Variants in HEG1 observed in about 807,000 individuals in gnomAD.
The protein encoded by HEG1 is heart development protein with EGF like domains 1.
HEG1 carries 56 observed loss-of-function variants against 125.6 expected under a neutral mutation model. That is an observed-to-expected ratio of 0.45 (90% CI 0.36 to 0.56). The LOEUF is 0.56. Ranked by LOEUF, HEG1 falls within the 20% of genes least tolerant of loss-of-function variation. The pLI, the probability that HEG1 is intolerant of heterozygous loss-of-function variation, is 0.00. For synonymous variants in HEG1, 644 were observed against 668.5 expected (o/e 0.96, Z 0.57); for missense variants, 1,523 against 1,670.0 (o/e 0.91, Z 1.53).
chr3:125,048,354 G>A (rs532537421), intron 1 of HEG1, among the ~76,000 whole-genome samples: 3 of 152,150 alleles, frequency 2.0e-5, no homozygotes, highest in Admixed American at 6.5e-5. Flanking sequence ...GAGGAAAATC[G>A]ACCTCCTTAC....
intron 14 of HEG1, among the ~76,000 whole-genome samples, chr3:124,987,719 A>C (rs1020112306): frequency 1.7e-4 from 25 of 149,848 alleles, no homozygotes; most frequent in African/African-American, 5.9e-4. Flanking sequence ...ACAGGGTTTC[A>C]CCGTGTTAGC....
At chr3:125,030,213 G>A (rs1937478567) in intron 1 of HEG1, among the ~76,000 whole-genome samples, 1 of 152,144 alleles carries the variant, frequency 6.6e-6, no homozygotes, top group African/African-American at 2.4e-5. Context: ...AAAGCTGGCA[G>A]CCCTTGACCC....
At chr3:124,974,480 C>T (rs1306846364) in intron 15 of HEG1, among the ~76,000 whole-genome samples, 1 of 152,144 alleles carries the variant, frequency 6.6e-6, no homozygotes, top group Non-Finnish European at 1.5e-5. Flanking sequence ...AGGCCTCCAA[C>T]TCTCCGGGCA....
At chr3:125,027,733 G>A (rs902217415) in intron 2 of HEG1, among the ~76,000 whole-genome samples, 2 of 152,122 alleles carry the variant, frequency 1.3e-5, no homozygotes, top group Non-Finnish European at 2.9e-5. Context: ...TCTCAGAAAA[G>A]GAGCTCACTG....
intron 8 of HEG1, among the ~76,000 whole-genome samples, chr3:125,007,938 C>T (rs1272945730): frequency 4.0e-5 from 6 of 149,580 alleles, no homozygotes; most frequent in Non-Finnish European, 5.9e-5. Context: ...GAGACAGAGT[C>T]TCACTGTGCA....
chr3:124,988,157 A>T (rs1936774700), intron 14 of HEG1, among the ~76,000 whole-genome samples: 1 of 151,816 alleles, frequency 6.6e-6, no homozygotes, highest in Non-Finnish European at 1.5e-5. Context: ...TTCTGGTTTC[A>T]AGTGAGAAAT....
rs1389010665 is a variant in HEG1 at position 125,013,261 on chromosome 3, C to T, written c.2318G>A (p.Ser773Asn). ...MTSFMTMLHS[S>N]QTADLKSQST... is the part of the protein sequence containing the mutation. ...CTGGCTCTTAAGGTCTGCAGTTTGACTACTATGGAGCATTGTCATGAATGA... is the reference window on the plus strand; with the variant it reads ...CTGGCTCTTAAGGTCTGCAGTTTGATTACTATGGAGCATTGTCATGAATGA... The change falls in exon 6 of 17, where the codon AGT (serine) becomes AAT (asparagine). Residue 773 changes from serine to asparagine, a missense_variant. By Grantham distance (46) the Ser-to-Asn change is conservative. Coordinates refer to ENST00000311127, the MANE Select transcript of HEG1 (RefSeq NM_020733.2). 6.2e-7 allele frequency: 1 copy of T among 1,613,962 alleles called. No homozygotes were observed. Among genetic ancestry groups the T allele is most frequent in the Middle Eastern group, 1.6e-4 (1 of 6,062 alleles).
chr3:125,054,233 C>T (rs1007078915), intron 1 of HEG1, among the ~76,000 whole-genome samples: 9 of 152,236 alleles, frequency 5.9e-5, no homozygotes, highest in Non-Finnish European at 1.3e-4. Context: ...AATCTAAAGT[C>T]ACAGTCACTC....
Position 125,018,142 on chromosome 3 carries a change from A to T in HEG1, c.1588+1120T>A, listed in dbSNP as rs78351843. Among the ~76,000 whole-genome samples the T allele has an allele frequency of 2.7e-3, 406 of 152,328 alleles. 3 individuals are homozygous for T. Among genetic ancestry groups the T allele is most frequent in the African/African-American group, 9.2e-3 (382 of 41,578 alleles). On this transcript the variant is annotated intron_variant, in intron 5 of 16. Transcript: ENST00000311127. ...GTGGGAACAACCCAAACATCCATCA[A>T]TTGATGACAATTGATAAACAAAGTG...
In HEG1 at chr3:124,969,600, G is replaced by C. The variant is rs1432547448; in HGVS notation, c.*1052C>G. 1.3e-5 allele frequency: 2 copies of C among 152,202 alleles called. No individual in the cohort carries two copies. Among genetic ancestry groups the C allele is most frequent in the African/African-American group, 4.8e-5 (2 of 41,438 alleles). 9.4% of individuals were successfully genotyped at this position (152,202 alleles called of 1,614,324 possible). ...ATGTGTGGCTCCATCTCGGCTCCCT[G>C]TTCTTCCTCAGGAATCCACACAGCT... is the stretch of plus-strand genomic sequence containing the variant. On this transcript the variant is annotated 3_prime_UTR_variant, in exon 17 of 17. Transcript: ENST00000311127.
chr3:124,997,885 TCTC>T, intron 11 of HEG1, 62 bp from the exon 12 acceptor site: 1 of 1,471,856 alleles, frequency 6.8e-7, no homozygotes, highest in Non-Finnish European at 9.1e-7. Flanking sequence ...AACCTTAAAA[TCTC>T]CTCCACTTCA....
At chr3:125,039,854 A>AAC (rs1560034452) in intron 1 of HEG1, among the ~76,000 whole-genome samples, 4 of 149,832 alleles carry the variant, frequency 2.7e-5, no homozygotes, top group Admixed American at 6.6e-5. Context: ...AAAAAACAAC[A>AAC]AAAAAAAACA....
intron 1 of HEG1, among the ~76,000 whole-genome samples, chr3:125,048,801 G>T (rs141041504): frequency 6.8e-4 from 104 of 152,328 alleles, no homozygotes; most frequent in African/African-American, 2.3e-3. Flanking sequence ...ACAGAAAAGA[G>T]CAGTGGGGAG....
At chr3:125,011,160 C>T (rs560191006) in intron 6 of HEG1, among the ~76,000 whole-genome samples, 10 of 151,612 alleles carry the variant, frequency 6.6e-5, no homozygotes, top group Non-Finnish European at 1.2e-4. Context: ...TTAGAGAAGC[C>T]GAAGCCTACA....
chr3:124,981,436 C>T (rs536468058), intron 14 of HEG1, among the ~76,000 whole-genome samples: 18 of 152,282 alleles, frequency 1.2e-4, no homozygotes, highest in Admixed American at 3.9e-4. Context: ...GTTCACACGG[C>T]AGACCACAAG....
Position 125,020,821 on chromosome 3 carries a change from G to GT in HEG1, c.1222dup (p.Thr408AsnfsTer8). On this transcript the variant is annotated frameshift_variant, in exon 4 of 17. Transcript: ENST00000311127. LOFTEE classifies it high-confidence loss of function. Reference sequence around the variant, plus strand: ...GGAATCATTTTGCCAACGCAAAGACGTAAGTCCAAATTCATTTTCTGTGGA... The same window carrying GT: ...GGAATCATTTTGCCAACGCAAAGACGTTAAGTCCAAATTCATTTTCTGTGGA... 1.9e-6 allele frequency: 3 copies of GT among 1,613,816 alleles called. No homozygotes were observed. The highest frequency in any genetic ancestry group is 1.7e-5 in the Admixed American group (1 of 60,018).
intron 14 of HEG1, among the ~76,000 whole-genome samples, chr3:124,984,975 A>G (rs555246690): frequency 1.3e-5 from 2 of 152,358 alleles, no homozygotes; most frequent in African/African-American, 4.8e-5. Context: ...AACATTCCAC[A>G]GTTTACTAGG....
Position 125,050,145 on chromosome 3 carries a change from T to C in HEG1, c.316+5430A>G, listed in dbSNP as rs1029554628. On this transcript the variant is annotated intron_variant, in intron 1 of 16. Transcript: ENST00000311127. ...ATGCCATTCATCCACCAACTCTCTTTTTTTTTTTTTTTTTTTGAGATGAAG... is the reference window on the plus strand; with the variant it reads ...ATGCCATTCATCCACCAACTCTCTTCTTTTTTTTTTTTTTTTGAGATGAAG... Among the ~76,000 whole-genome samples the C allele has an allele frequency of 6.8e-3, 943 of 139,584 alleles. 10 individuals are homozygous for C. The highest frequency in any genetic ancestry group is 0.024 in the African/African-American group (872 of 37,026). 91.6% of individuals were successfully genotyped at this position (139,584 alleles called of 152,430 possible). A position where few individuals can be genotyped will look rare whatever the true frequency, so the allele number is the denominator to read the frequency against.
intron 1 of HEG1, among the ~76,000 whole-genome samples, chr3:125,038,475 AG>A (rs1404536823): frequency 1.3e-5 from 2 of 152,202 alleles, no homozygotes; most frequent in Non-Finnish European, 2.9e-5. Flanking sequence ...TAAACCACAT[AG>A]CTGGAGCAGG....
Sources: allele counts gnomAD v4.1 joint callset (sites outside exome capture counted in the v4.1 genomes callset), GRCh38; gene constraint gnomAD v4.1.1; transcripts MANE v1.5; gene names NCBI Gene and HGNC (gene_info 2026-07-23, HGNC 2026-07-21).